The following APOBEC3B variants were observed in gnomAD, a reference collection of about 807,000 sequenced individuals.
APOBEC3B encodes apolipoprotein B mRNA editing enzyme catalytic subunit 3B.
In APOBEC3B, 29 loss-of-function variants were observed where a neutral mutation model predicts 53.4. The ratio of observed to expected loss-of-function variants is 0.54; its 90% CI spans 0.40 to 0.74. The LOEUF (loss-of-function observed/expected upper bound fraction) is 0.74. Ranked by LOEUF, APOBEC3B falls within the 30% of genes least tolerant of loss-of-function variation. The pLI, the probability that APOBEC3B is intolerant of heterozygous loss-of-function variation, is 0.00. For missense variants in APOBEC3B, 347 were observed against 496.2 expected (o/e 0.70, Z 2.86); for synonymous variants, 132 against 184.8 (o/e 0.71, Z 2.32).
rs757039018 is a variant in APOBEC3B, at chr22:38,992,462, T to G, written c.*17T>G. On this transcript the variant is annotated 3_prime_UTR_variant, in exon 8 of 8. Coordinates refer to ENST00000333467, the MANE Select transcript of APOBEC3B (RefSeq NM_004900.5). Reference sequence around the variant, plus strand: ...GGAAACTGAAGGATGGGCCTCAGTCTCTAAGGAAGGCAGAGACCTGGGTTG... The same window carrying G: ...GGAAACTGAAGGATGGGCCTCAGTCGCTAAGGAAGGCAGAGACCTGGGTTG... 2 of 1,579,574 alleles carry G rather than the reference T, an allele frequency of 1.3e-6. No homozygotes were observed. Among genetic ancestry groups the G allele is most frequent in the South Asian group, 1.1e-5 (1 of 87,528 alleles).
chr22:38,986,226 C>G (rs1265139687), intron 3 of APOBEC3B, 72 bp from the exon 4 acceptor site: 1 of 1,586,820 alleles, frequency 6.3e-7, no homozygotes, highest in African/African-American at 1.4e-5. Flanking sequence ...AACTGACAGC[C>G]AGGAGACCAG....
chr22:38,985,458 G>A (rs1452382887), intron 2 of APOBEC3B, among the ~76,000 whole-genome samples: 1 of 148,152 alleles, frequency 6.7e-6, no homozygotes, highest in Non-Finnish European at 1.5e-5. Context: ...GGGGACAAGA[G>A]GAAGCAGGAG....
chr22:38,982,437 T>A lies in APOBEC3B; in HGVS notation c.-17T>A, dbSNP rs1923570232. 4 of 1,593,146 alleles carry A rather than the reference T, an allele frequency of 2.5e-6. No individual in the cohort carries two copies. The highest frequency in any genetic ancestry group is 1.3e-5 in the African/African-American group (1 of 74,166). On this transcript the variant is annotated 5_prime_UTR_variant, in exon 1 of 8. Coordinates refer to ENST00000333467, the MANE Select transcript of APOBEC3B (RefSeq NM_004900.5). ...AAAAAGAGCGGGACAGGGACAAGCG[T>A]ATCTAAGAGGCTGAACATGAATCCA...
At position 38,985,239 on chromosome 22, in the gene APOBEC3B, G is replaced by T. The variant is rs534633701; in HGVS notation, c.175-573G>T. On this transcript the variant is annotated intron_variant, in intron 2 of 7. Coordinates refer to ENST00000333467, the MANE Select transcript of APOBEC3B (RefSeq NM_004900.5). ...TGTTTTTTTGTTTTGTTTTGTTTTG[G>T]TTTTTTTTTAAGACTGAGTTTCACT... 1.4e-4 allele frequency among the ~76,000 whole-genome samples: 21 copies of T among 146,070 alleles called. 1 individual carries two copies. Among genetic ancestry groups the T allele is most frequent in the African/African-American group, 4.0e-4 (16 of 40,216 alleles).
rs548087996 is a variant in APOBEC3B, at chr22:38,992,764, G to T, written c.*319G>T. 149 of 674,866 alleles carry T rather than the reference G, an allele frequency of 2.2e-4. 2 individuals carry two copies. The South Asian group carries it at 2.9e-3, about 13-fold the overall frequency. 41.8% of individuals were successfully genotyped at this position (674,866 alleles called of 1,614,324 possible). ...AAAACATTAAGAATCTTCCATAATT[G>T]TTTCCACAAACACTAGCAAATGTGT... is the stretch of plus-strand genomic sequence containing the variant. On this transcript the variant is annotated 3_prime_UTR_variant, in exon 8 of 8. Transcript: ENST00000333467.
rs1011663786 is a variant in APOBEC3B at position 38,982,726 on chromosome 22, C to T, written c.17+256C>T. 1.0e-4 allele frequency among the ~76,000 whole-genome samples: 15 copies of T among 148,228 alleles called. 1 individual carries two copies. The highest frequency in any genetic ancestry group is 4.8e-4 in the Admixed American group (7 of 14,436). On this transcript the variant is annotated intron_variant, in intron 1 of 7. Coordinates refer to ENST00000333467, the MANE Select transcript of APOBEC3B (RefSeq NM_004900.5). ...TGAGACTCTCCCTTAAAGTCATGCCCGGACTGGTGCTCCCCGCCCTGGGAG... is the reference window on the plus strand; with the variant it reads ...TGAGACTCTCCCTTAAAGTCATGCCTGGACTGGTGCTCCCCGCCCTGGGAG...
chr22:38,992,038 T>G lies in APOBEC3B; in HGVS notation c.1023T>G (p.Phe341Leu). The G allele has an allele frequency of 5.1e-6, 8 of 1,581,720 alleles. 1 individual carries two copies. The highest frequency in any genetic ancestry group is 6.9e-6 in the Non-Finnish European group (8 of 1,166,268). Residue 341 changes from phenylalanine (F) to leucine (L), a missense_variant, in exon 7 of 8, where the codon TTT becomes TTG. Phe to Leu is a conservative substitution (Grantham distance 22). Around this residue, in one of 5 missense-constraint regions of APOBEC3B, gnomAD observed 78 missense variants for 103.9 expected, o/e 0.75. Coordinates refer to ENST00000333467, the MANE Select transcript of APOBEC3B (RefSeq NM_004900.5). ...AQVSIMTYDE[F>L]EYCWDTFVYR... ...ATCTCCCCTGTCCCTTTTCAGAGTT[T>G]GAGTACTGCTGGGACACCTTTGTGT...
At chr22:38,988,763 GT>G (rs1923874534) in intron 4 of APOBEC3B, among the ~76,000 whole-genome samples, 1 of 56,226 alleles carries the variant, frequency 1.8e-5, no homozygotes, top group African/African-American at 7.2e-5. Flanking sequence ...CTTCTCTCTC[GT>G]CTTTCTTCTT....
rs751751478 is a variant in APOBEC3B, at chr22:38,984,077, A to G, written c.20A>G (p.Asn7Ser). The change falls in exon 2 of 8, where the codon AAT becomes AGT. Residue 7 changes from asparagine to serine, a missense_variant and splice_region_variant. Asn to Ser is a conservative substitution (Grantham distance 46). Transcript: ENST00000333467. MNPQIR[N>S]PMERMYRDTF... ...CGGTTTCTCTCTTGTGCCTTCAGAA[A>G]TCCGATGGAGCGGATGTATCGAGAC... is the stretch of plus-strand genomic sequence containing the variant. 1 of 1,575,528 alleles carries G rather than the reference A, an allele frequency of 6.3e-7. No homozygotes were observed. The highest frequency in any genetic ancestry group is 2.5e-5 in the East Asian group (1 of 39,868).
At position 38,989,398 on chromosome 22, in the gene APOBEC3B, C is replaced by T. The variant is rs1186277957; in HGVS notation, c.570-59C>T. 28 of 1,452,896 alleles carry T rather than the reference C, an allele frequency of 1.9e-5. 1 individual carries two copies. Among genetic ancestry groups the T allele is most frequent in the African/African-American group, 9.7e-5 (7 of 72,102 alleles). 90.0% of individuals were successfully genotyped at this position (1,452,896 alleles called of 1,614,324 possible). A position where few individuals can be genotyped will look rare whatever the true frequency, so the allele number is the denominator to read the frequency against. On this transcript the variant is annotated intron_variant, in intron 4 of 7. Coordinates refer to ENST00000333467, the MANE Select transcript of APOBEC3B (RefSeq NM_004900.5). ...AGGAGTGGGGGGTGCAGGAGAGGAG[C>T]GAGAGGTAGTCCCAGGAGGAGTCTT...
chr22:38,984,920 G>A (rs1294408613), intron 2 of APOBEC3B, among the ~76,000 whole-genome samples: 3 of 100,948 alleles, frequency 3.0e-5, no homozygotes, highest in Admixed American at 1.5e-4. Flanking sequence ...TTTTTTTTCC[G>A]AGATGGAGTC....
intron 4 of APOBEC3B, among the ~76,000 whole-genome samples, chr22:38,987,247 G>A (rs1224440393): frequency 5.4e-5 from 8 of 148,552 alleles, no homozygotes; most frequent in Non-Finnish European, 1.0e-4. Flanking sequence ...GTCCTGCTGG[G>A]CCTCAGCCCT....
chr22:38,992,298 C>T (rs1454227424), intron 7 of APOBEC3B, 133 bp from the exon 8 acceptor site: 8 of 1,534,310 alleles, frequency 5.2e-6, no homozygotes, highest in Non-Finnish European at 7.0e-6. Flanking sequence ...TTCCTTCTCA[C>T]AGCCTCCTTC....
chr22:38,986,254 A>G (rs1282419887), intron 3 of APOBEC3B, 44 bp from the exon 4 acceptor site: 3 of 1,589,924 alleles, frequency 1.9e-6, no homozygotes, highest in African/African-American at 1.3e-5. Flanking sequence ...AGGACAGGCC[A>G]GGGTCAGGGG....
At chr22:38,988,683 C>CTCTCTTTCTCTCTCTCTCTCTCTT (rs1555894372) in intron 4 of APOBEC3B, among the ~76,000 whole-genome samples, 1 of 47,510 alleles carries the variant, frequency 2.1e-5, no homozygotes, top group Non-Finnish European at 3.9e-5. Flanking sequence ...TTCTCTCTTT[C>CTCTCTTTCTCTCTCTCTCTCTCTT]TCTTTCTTTC....
At chr22:38,984,027 T>G in intron 1 of APOBEC3B, 48 bp from the exon 2 acceptor site, 1 of 1,562,274 alleles carries the variant, frequency 6.4e-7, no homozygotes, top group Non-Finnish European at 8.6e-7. Flanking sequence ...CCCCGAGGAC[T>G]CCCGGGAGGG....
intron 2 of APOBEC3B, 49 bp downstream of exon 2, chr22:38,984,280 A>G: frequency 6.4e-7 from 1 of 1,564,272 alleles, no homozygotes; most frequent in African/African-American, 1.4e-5. Flanking sequence ...CAGGAATTAG[A>G]GGACTGGAGA....
intron 4 of APOBEC3B, among the ~76,000 whole-genome samples, chr22:38,988,703 T>C (rs9653827): frequency 0.26 from 26,403 of 101,384 alleles, 5,702 homozygotes; most frequent in South Asian, 0.35. Flanking sequence ...CTTTCTTTCT[T>C]TCTTTCTTTC....
chr22:38,992,108 C>A lies in APOBEC3B; in HGVS notation c.1093C>A (p.His365Asn). 6.3e-7 allele frequency: 1 copy of A among 1,592,884 alleles called. No homozygotes were observed. Among genetic ancestry groups the A allele is most frequent in the Non-Finnish European group, 8.5e-7 (1 of 1,172,506 alleles). The change falls in exon 7 of 8, where the codon CAC becomes AAC. Residue 365 changes from histidine to asparagine, a missense_variant. This residue lies in a region of APOBEC3B where 78 missense variants were observed against 103.9 expected (regional missense o/e 0.75). Coordinates refer to ENST00000333467, the MANE Select transcript of APOBEC3B (RefSeq NM_004900.5). ...CCAGCCCTGGGATGGACTAGAGGAG[C>A]ACAGCCAAGCCCTGAGTGGGAGGCT... Reference protein sequence around the residue: ...PFQPWDGLEEHSQALSGRLRA... With the variant: ...PFQPWDGLEENSQALSGRLRA...
Sources: allele counts gnomAD v4.1 joint callset (sites outside exome capture counted in the v4.1 genomes callset), GRCh38; gene constraint gnomAD v4.1.1; regional missense constraint gnomAD v4.1.1; transcripts MANE v1.5; gene names NCBI Gene and HGNC (gene_info 2026-07-23, HGNC 2026-07-21).